MBD5: variants seen among roughly 807,000 people sequenced by gnomAD.
MBD5 encodes the protein methyl-CpG-binding domain protein 5.
A neutral mutation model predicts 117.3 loss-of-function variants in MBD5; 13 were observed. The observed-to-expected ratio is 0.11, with a 90% CI of 0.07 to 0.18. The LOEUF (loss-of-function observed/expected upper bound fraction) is 0.18. Among genes scored for constraint, MBD5 ranks in the 10% least tolerant of loss-of-function variants. MBD5 has a pLI of 1.00. For missense variants in MBD5, 1,879 were observed against 2,093.8 expected, an observed-to-expected ratio of 0.90 and a Z score of 2.00; for synonymous variants, 727 against 766.4, an observed-to-expected ratio of 0.95 and a Z score of 0.85.
chr2:148,067,550 A>C (rs1695237245), intron 1 of MBD5, among the ~76,000 whole-genome samples: 1 of 152,220 alleles, frequency 6.6e-6, no homozygotes, highest in South Asian at 2.1e-4. Context: ...ACCTCACTCT[A>C]CTTGCTTACA....
intron 4 of MBD5, among the ~76,000 whole-genome samples, chr2:148,446,602 C>CTATGTGTGTGTA (rs1553516216): frequency 6.7e-6 from 1 of 148,784 alleles, no homozygotes; most frequent in Non-Finnish European, 1.5e-5. Flanking sequence ...GATTATTTAT[C>CTATGTGTGTGTA]TGTGTGTGTG....
intron 1 of MBD5, among the ~76,000 whole-genome samples, chr2:148,111,924 A>T (rs1314473710): frequency 6.6e-6 from 1 of 152,190 alleles, no homozygotes; most frequent in Non-Finnish European, 1.5e-5. Context: ...AAATAGAACA[A>T]TTATAACAAT....
intron 3 of MBD5, among the ~76,000 whole-genome samples, chr2:148,276,081 A>G (rs946267910): frequency 6.6e-6 from 1 of 152,078 alleles, no homozygotes; most frequent in African/African-American, 2.4e-5. Context: ...GGAGTCCGAG[A>G]CAGGAGGATC....
intron 1 of MBD5, chr2:148,062,507 A>G (rs925881270): frequency 1.6e-4 from 24 of 151,968 alleles, no homozygotes; most frequent in African/African-American, 5.8e-4. Context: ...TATATTCTAC[A>G]AGCTCAGTGT....
chr2:148,421,796 A>G (rs1217782188), intron 4 of MBD5, among the ~76,000 whole-genome samples: 3 of 152,196 alleles, frequency 2.0e-5, no homozygotes, highest in Non-Finnish European at 4.4e-5. Context: ...TTACCCTCAC[A>G]GTGTAAACAA....
At position 148,322,672 on chromosome 2, in the gene MBD5, C is replaced by T. The variant is rs141096079; in HGVS notation, c.-679-19542C>T. 9.3e-4 allele frequency among the ~76,000 whole-genome samples: 142 copies of T among 152,162 alleles called. 1 individual carries two copies. Among genetic ancestry groups the T allele is most frequent in the Middle Eastern group, 3.4e-3 (1 of 292 alleles). ...GCATTGCCTTTGCACAAAATATTTA[C>T]GGAATTGCTTTTGTTCCACACTATT... On this transcript the variant is annotated intron_variant, in intron 3 of 13. Transcript: ENST00000642680.
intron 3 of MBD5, chr2:148,295,557 C>G (rs994768003): frequency 1.3e-5 from 2 of 152,340 alleles, no homozygotes; most frequent in Admixed American, 1.3e-4. Context: ...AGTCTCCACT[C>G]AGTTCCGAGA....
In MBD5 at chr2:148,469,392, T is replaced by C. The variant is rs777754350; in HGVS notation, c.1449T>C (p.Ser483=). 9 of 1,613,728 alleles carry C rather than the reference T, an allele frequency of 5.6e-6. No individual in the cohort carries two copies. The African/African-American group carries it at 1.1e-4, about 19-fold the overall frequency. ...CACCTGTAGGACCCCAGGCCACTTCTAGTGGTATTAAGGTTCCACCCAGGT... is the reference window on the plus strand; with the variant it reads ...CACCTGTAGGACCCCAGGCCACTTCCAGTGGTATTAAGGTTCCACCCAGGT... The part of the protein sequence containing the change: ...MMPPVGPQAT[S]SGIKVPPRSP... Residue 483 remains serine, a synonymous_variant, in exon 8 of 14, where the codon TCT becomes TCC. Transcript: ENST00000642680.
chr2:148,267,191 T>C (rs1281984500), intron 3 of MBD5, among the ~76,000 whole-genome samples: 1 of 152,096 alleles, frequency 6.6e-6, no homozygotes, highest in Non-Finnish European at 1.5e-5. Flanking sequence ...GTAAGGGGCA[T>C]TGAGACCACA....
At chr2:148,209,798 G>A (rs1413630428) in intron 2 of MBD5, among the ~76,000 whole-genome samples, 1 of 151,930 alleles carries the variant, frequency 6.6e-6, no homozygotes, top group African/African-American at 2.4e-5. Context: ...GCGGGGGGAG[G>A]TGCTACATAC....
chr2:148,165,107 AACAATCT>A (rs1306720950), intron 1 of MBD5, among the ~76,000 whole-genome samples: 2 of 152,136 alleles, frequency 1.3e-5, no homozygotes, highest in East Asian at 3.8e-4. Context: ...ATTTTTACCT[AACAATCT>A]ACATATTATG....
At chr2:148,142,643 T>G (rs1014075514) in intron 1 of MBD5, among the ~76,000 whole-genome samples, 2 of 151,918 alleles carry the variant, frequency 1.3e-5, no homozygotes, top group African/African-American at 4.8e-5. Flanking sequence ...GAAAGCAGGG[T>G]CCTATCCAGG....
chr2:148,185,190 G>A (rs1698624922), intron 2 of MBD5, among the ~76,000 whole-genome samples: 2 of 152,114 alleles, frequency 1.3e-5, no homozygotes, highest in South Asian at 4.2e-4. Context: ...ATATTTGAAG[G>A]ACTGCCTCCT....
intron 1 of MBD5, among the ~76,000 whole-genome samples, chr2:148,070,100 C>A (rs1340720830): frequency 6.6e-6 from 1 of 152,162 alleles, no homozygotes; most frequent in South Asian, 2.1e-4. Flanking sequence ...CTCCATTCCC[C>A]CACCACAAAC....
intron 8 of MBD5, among the ~76,000 whole-genome samples, chr2:148,481,459 C>G (rs1403547160): frequency 6.6e-6 from 1 of 151,922 alleles, no homozygotes; most frequent in Non-Finnish European, 1.5e-5. Flanking sequence ...ATAGCATAGC[C>G]CAAAATGTTT....
intron 4 of MBD5, among the ~76,000 whole-genome samples, chr2:148,442,620 A>G (rs886261471): frequency 6.6e-6 from 1 of 151,320 alleles, no homozygotes; most frequent in Non-Finnish European, 1.5e-5. Flanking sequence ...AGTTTCCACA[A>G]CTCTAGAACA....
intron 2 of MBD5, among the ~76,000 whole-genome samples, chr2:148,228,046 TC>T (rs1699882193): frequency 6.6e-6 from 1 of 152,262 alleles, no homozygotes; most frequent in Non-Finnish European, 1.5e-5. Flanking sequence ...TACAATCATG[TC>T]CTCTGCAAAC....
Position 148,483,662 on chromosome 2 carries a change from C to G in MBD5, c.3071C>G (p.Pro1024Arg). 1 of 1,550,784 alleles carries G rather than the reference C, an allele frequency of 6.4e-7. No individual in the cohort carries two copies. The highest frequency in any genetic ancestry group is 8.7e-7 in the Non-Finnish European group (1 of 1,147,028). The change falls in exon 9 of 14, where the codon CCC (proline) becomes CGC (arginine). Residue 1024 changes from proline (P) to arginine (R), a missense_variant. Transcript: ENST00000642680. ...DLLQQQNTPL[P>R]SLTQMTAPPD... ...TTGCAACAGCAAAATACCCCTTTAC[C>G]CTCATTAACACAGATGACAGCCCCA...
At chr2:148,262,871 G>A (rs977303058) in intron 3 of MBD5, among the ~76,000 whole-genome samples, 1 of 152,210 alleles carries the variant, frequency 6.6e-6, no homozygotes, top group African/African-American at 2.4e-5. Flanking sequence ...ATAGCCTTAG[G>A]TGGGACTCAT....
Sources: gnomAD v4.1 joint callset for allele counts (sites outside exome capture counted in the v4.1 genomes callset) on GRCh38, gnomAD v4.1.1 for gene constraint, MANE v1.5 for transcripts, NCBI Gene and HGNC (gene_info 2026-07-23, HGNC 2026-07-21) for gene names.